Variants in PDZD2 observed in about 807,000 individuals in gnomAD.
PDZD2 encodes the protein PDZ domain-containing protein 2.
A neutral mutation model predicts 220.7 loss-of-function variants in PDZD2; 90 were observed. The ratio of observed to expected loss-of-function variants is 0.41; its 90% CI spans 0.34 to 0.49. PDZD2 has a LOEUF of 0.49. Among genes scored for constraint, PDZD2 ranks in the 20% least tolerant of loss-of-function variants. PDZD2 has a pLI of 0.28. For synonymous variants in PDZD2, 1,375 were observed against 1,450.5 expected (o/e 0.95, Z 1.18); for missense variants, 3,174 against 3,608.5 (o/e 0.88, Z 3.08).
At chr5:32,018,664 A>AT (rs1203399542) in intron 6 of PDZD2, among the ~76,000 whole-genome samples, 1 of 152,142 alleles carries the variant, frequency 6.6e-6, no homozygotes, top group African/African-American at 2.4e-5. Context: ...TGAGTTGTGC[A>AT]TTTTCTCCCC....
intron 2 of PDZD2, among the ~76,000 whole-genome samples, chr5:31,862,883 C>T (rs1015716712): frequency 3.3e-5 from 5 of 152,120 alleles, no homozygotes; most frequent in African/African-American, 1.2e-4. Context: ...CGCGCCGCTA[C>T]GCCCAGCTAA....
At chr5:31,689,239 T>TTGTGTGTGTGTGTGTGTGTG (rs70955736) in intron 1 of PDZD2, among the ~76,000 whole-genome samples, 137 of 140,052 alleles carry the variant, frequency 9.8e-4, no homozygotes, top group African/African-American at 3.5e-3. Flanking sequence ...TGGCTAATGT[T>TTGTGTGTGTGTGTGTGTGTG]TGTGTGTGTG....
chr5:32,061,660 C>G (rs536047036), intron 14 of PDZD2, among the ~76,000 whole-genome samples: 106 of 152,234 alleles, frequency 7.0e-4, no homozygotes, highest in Non-Finnish European at 1.3e-3. Flanking sequence ...CACTGGTAAT[C>G]CTAGCACTTT....
At chr5:31,847,418 A>G (rs1425457733) in intron 2 of PDZD2, 6 of 508,844 alleles carry the variant, frequency 1.2e-5, no homozygotes, top group African/African-American at 1.2e-4. Flanking sequence ...ACCCAAATAC[A>G]GGATGAGAGT....
chr5:32,085,353 A>C (rs182236), intron 19 of PDZD2, among the ~76,000 whole-genome samples: 2,265 of 150,158 alleles, frequency 0.015, 257 homozygotes, highest in African/African-American at 0.055. Context: ...AATCAGGGTA[A>C]TTAGCATATC....
chr5:31,779,998 G>C (rs544763787), intron 1 of PDZD2, among the ~76,000 whole-genome samples: 15 of 152,228 alleles, frequency 9.9e-5, no homozygotes, highest in African/African-American at 3.6e-4. Flanking sequence ...GCCAGTTTCT[G>C]GTGGCTTTAC....
chr5:31,946,514 C>CTA (rs1746648875), intron 2 of PDZD2, among the ~76,000 whole-genome samples: 1 of 152,126 alleles, frequency 6.6e-6, no homozygotes, highest in Non-Finnish European at 1.5e-5. Context: ...GGATTGTGCT[C>CTA]CCCGCCGCCA....
rs573808568 is a variant in PDZD2, at chr5:31,866,794, G to T, written c.476+67070G>T. 5.9e-5 allele frequency among the ~76,000 whole-genome samples: 9 copies of T among 152,304 alleles called. No individual in the cohort carries two copies. In the East Asian group the frequency reaches 1.7e-3, roughly 29 times the overall value. ...AACTTTGATTTGTGTCCTTATCAGT[G>T]TCAGTTCATTCGTGCAGTAAGCAAT... On this transcript the variant is annotated intron_variant, in intron 2 of 24. Transcript: ENST00000438447.
intron 2 of PDZD2, among the ~76,000 whole-genome samples, chr5:31,887,522 G>C (rs562281036): frequency 1.3e-5 from 2 of 152,274 alleles, no homozygotes; most frequent in Non-Finnish European, 2.9e-5. Context: ...GAGCTAGGAG[G>C]TTGGCAGCTT....
intron 1 of PDZD2, chr5:31,787,573 A>C (rs543697502): frequency 1.9e-4 from 29 of 152,232 alleles, no homozygotes; most frequent in Admixed American, 3.3e-4. Flanking sequence ...GAGTCTCAAA[A>C]TAGCTGCCAG....
intron 6 of PDZD2, among the ~76,000 whole-genome samples, chr5:32,029,376 G>C (rs1218883101): frequency 3.5e-5 from 5 of 142,862 alleles, no homozygotes; most frequent in Non-Finnish European, 6.0e-5. Context: ...TAGTTTCATG[G>C]ATGCTGGCAG....
chr5:32,082,045 A>G (rs553938286), intron 19 of PDZD2, among the ~76,000 whole-genome samples: 2 of 117,912 alleles, frequency 1.7e-5, no homozygotes, highest in Admixed American at 1.8e-4. Flanking sequence ...TTTTTGAGAC[A>G]GAGTCTCCCT....
chr5:31,917,773 C>G (rs149722765), intron 2 of PDZD2, among the ~76,000 whole-genome samples: 3 of 152,080 alleles, frequency 2.0e-5, no homozygotes, highest in Non-Finnish European at 2.9e-5. Context: ...ACAGAGTCTT[C>G]GCTCTGTCGC....
chr5:31,994,886 A>G (rs987845561), intron 3 of PDZD2, among the ~76,000 whole-genome samples: 6 of 152,222 alleles, frequency 3.9e-5, no homozygotes, highest in Non-Finnish European at 7.3e-5. Flanking sequence ...ACTGCCACCT[A>G]TTTGCACAAA....
At chr5:31,852,971 G>A (rs867553278) in intron 2 of PDZD2, among the ~76,000 whole-genome samples, 1 of 152,196 alleles carries the variant, frequency 6.6e-6, no homozygotes, top group Non-Finnish European at 1.5e-5. Context: ...GGAGAAAGAA[G>A]CTAAAACATT....
intron 1 of PDZD2, among the ~76,000 whole-genome samples, chr5:31,679,100 C>A (rs139894841): frequency 6.6e-6 from 1 of 152,114 alleles, no homozygotes; most frequent in South Asian, 2.1e-4. Context: ...ACTACAGAGC[C>A]CCCCTCCACT....
intron 9 of PDZD2, 87 bp from the exon 10 acceptor site, chr5:32,053,682 T>C: frequency 6.3e-6 from 5 of 794,970 alleles, no homozygotes; most frequent in Non-Finnish European, 1.1e-5. Flanking sequence ...ATGGGACAGA[T>C]GCCTTCAGTT....
intron 2 of PDZD2, among the ~76,000 whole-genome samples, chr5:31,820,986 T>C (rs1755803975): frequency 6.6e-6 from 1 of 152,104 alleles, no homozygotes; most frequent in Non-Finnish European, 1.5e-5. Context: ...CCATTATCTC[T>C]TGGGGCCCTC....
chr5:32,088,777 A>G lies in PDZD2; in HGVS notation c.5329A>G (p.Ile1777Val), dbSNP rs780179196. The change falls in exon 20 of 25, where the codon ATC (isoleucine) becomes GTC (valine). Residue 1777 changes from isoleucine to valine, a missense_variant. This residue lies in a region of PDZD2 where 1,861 missense variants were observed against 2,001.0 expected (regional missense o/e 0.93). Coordinates refer to ENST00000438447, the MANE Select transcript of PDZD2 (RefSeq NM_178140.4). The surrounding 1 kb of genome is among the most constrained non-coding windows in gnomAD (Gnocchi z 4.6). Reference sequence around the variant, plus strand: ...AGAATCTGTTTTGGAAAACCTCCACATCTCTGAAAGTCAAGACCTGGATGA... The same window carrying G: ...AGAATCTGTTTTGGAAAACCTCCACGTCTCTGAAAGTCAAGACCTGGATGA... ...NGESVLENLH[I>V]SESQDLDDLL... 1 of 1,614,056 alleles carries G rather than the reference A, an allele frequency of 6.2e-7. No homozygotes were observed. Among genetic ancestry groups the G allele is most frequent in the East Asian group, 2.2e-5 (1 of 44,872 alleles).
Sources: gnomAD v4.1 joint callset for allele counts (sites outside exome capture counted in the v4.1 genomes callset) on GRCh38, gnomAD v4.1.1 for gene constraint, gnomAD v4.1.1 regional missense constraint, Gnocchi (gnomAD v3.1) non-coding constraint, MANE v1.5 for transcripts, NCBI Gene and HGNC (gene_info 2026-07-23, HGNC 2026-07-21) for gene names.